Variants in TRIM2 observed in about 807,000 individuals in gnomAD.
TRIM2 encodes the protein tripartite motif containing 2.
TRIM2 carries 20 observed loss-of-function variants against 75.2 expected under a neutral mutation model. That is an observed-to-expected ratio of 0.27 (90% CI 0.19 to 0.39). The LOEUF (loss-of-function observed/expected upper bound fraction) is 0.39, where lower values mean the gene tolerates loss of function less well. Ranked by LOEUF, TRIM2 falls within the 10% of genes least tolerant of loss-of-function variation. The pLI, the probability that TRIM2 is intolerant of heterozygous loss-of-function variation, is 1.00. For synonymous variants in TRIM2, 373 were observed against 388.3 expected (o/e 0.96, Z 0.46); for missense variants, 660 against 990.8 (o/e 0.67, Z 4.48).
chr4:153,319,871 T>G (rs1579691525), intron 8 of TRIM2, among the ~76,000 whole-genome samples: 1 of 152,250 alleles, frequency 6.6e-6, no homozygotes, highest in Non-Finnish European at 1.5e-5. Context: ...TGAAGGGAAG[T>G]GTAAAGAAAT....
intron 2 of TRIM2, among the ~76,000 whole-genome samples, chr4:153,272,323 T>C (rs1197120623): frequency 6.6e-6 from 1 of 152,030 alleles, no homozygotes; most frequent in Non-Finnish European, 1.5e-5. Flanking sequence ...TAATTTTTTG[T>C]ATTTTTAGTA....
chr4:153,276,267 G>A (rs1224474363), intron 3 of TRIM2, 137 bp downstream of exon 3: 4 of 702,676 alleles, frequency 5.7e-6, no homozygotes, highest in Non-Finnish European at 9.7e-6. Context: ...ATTTTTACCA[G>A]CCCTCAGACT....
chr4:153,175,748 T>TG (rs1731369534), intron 1 of TRIM2, among the ~76,000 whole-genome samples: 1 of 152,174 alleles, frequency 6.6e-6, no homozygotes, highest in African/African-American at 2.4e-5. Flanking sequence ...GATCCTGGAC[T>TG]GGAAAGGACA....
intron 6 of TRIM2, among the ~76,000 whole-genome samples, chr4:153,301,398 T>A (rs1349186188): frequency 6.6e-6 from 1 of 152,204 alleles, no homozygotes. Context: ...CTTGTGTATT[T>A]TAGATATTAA....
In TRIM2 at chr4:153,244,121, A is replaced by ATCTTCTTCT. The variant is rs895189975; in HGVS notation, c.31-26200_31-26192dup. 1.7e-4 allele frequency among the ~76,000 whole-genome samples: 25 copies of ATCTTCTTCT among 145,828 alleles called. 2 individuals are homozygous for ATCTTCTTCT. Among genetic ancestry groups the ATCTTCTTCT allele is most frequent in the African/African-American group, 5.5e-4 (21 of 38,228 alleles). ...ACACATGAGCTACTGTGCCACTGCC[A>ATCTTCTTCT]TCTTCTTCTTCTTCTTCTTCTTGTT... On this transcript the variant is annotated intron_variant, in intron 1 of 11. Coordinates refer to ENST00000338700, the MANE Select transcript of TRIM2 (RefSeq NM_015271.5).
At chr4:153,313,047 C>T (rs1030669804) in intron 6 of TRIM2, among the ~76,000 whole-genome samples, 1 of 152,120 alleles carries the variant, frequency 6.6e-6, no homozygotes, top group African/African-American at 2.4e-5. Context: ...GATGTTCCTC[C>T]AACCTTGTGA....
intron 1 of TRIM2, among the ~76,000 whole-genome samples, chr4:153,234,747 T>A (rs1397191727): frequency 6.6e-6 from 1 of 152,134 alleles, no homozygotes; most frequent in Non-Finnish European, 1.5e-5. Context: ...TGATGATGAT[T>A]TGTTTTCCTG....
At chr4:153,249,609 G>A (rs966428703) in intron 1 of TRIM2, among the ~76,000 whole-genome samples, 1 of 152,128 alleles carries the variant, frequency 6.6e-6, no homozygotes, top group Non-Finnish European at 1.5e-5. Flanking sequence ...CTCCCGCCTC[G>A]GCCACCTCCC....
At chr4:153,204,351 T>C, upstream of TRIM2, 4 of 645,760 alleles carry the variant, frequency 6.2e-6, no homozygotes, top group South Asian at 3.9e-5. Flanking sequence ...AGGCTGATCA[T>C]TGGCTCTCAT....
chr4:153,310,734 C>G (rs1009567867), intron 6 of TRIM2, among the ~76,000 whole-genome samples: 3 of 152,124 alleles, frequency 2.0e-5, no homozygotes, highest in South Asian at 2.1e-4. Context: ...CATTCAGAAA[C>G]CAAGCCATAG....
chr4:153,313,967 A>G (rs991709592), intron 6 of TRIM2, among the ~76,000 whole-genome samples: 1 of 152,206 alleles, frequency 6.6e-6, no homozygotes, highest in African/African-American at 2.4e-5. Flanking sequence ...AAATGAAATT[A>G]TAAACCTGAA....
intron 1 of TRIM2, among the ~76,000 whole-genome samples, chr4:153,269,686 A>G (rs1257119181): frequency 6.6e-6 from 1 of 152,226 alleles, no homozygotes; most frequent in Non-Finnish European, 1.5e-5. Context: ...ATAAGCAGAC[A>G]TAGCTATATA....
At chr4:153,187,716 G>T (rs1403663539) in intron 1 of TRIM2, among the ~76,000 whole-genome samples, 5 of 152,158 alleles carry the variant, frequency 3.3e-5, no homozygotes, top group African/African-American at 1.2e-4. Flanking sequence ...CCTGACAAAG[G>T]GGAAGTCTGT....
chr4:153,323,880 G>A (rs1167569031), intron 9 of TRIM2, among the ~76,000 whole-genome samples, 198 bp from the exon 10 acceptor site: 1 of 152,126 alleles, frequency 6.6e-6, no homozygotes, highest in Non-Finnish European at 1.5e-5. Context: ...ATAGACTGGC[G>A]CAAGTAGAGA....
At chr4:153,238,282 T>C (rs1484429715) in intron 1 of TRIM2, among the ~76,000 whole-genome samples, 2 of 152,234 alleles carry the variant, frequency 1.3e-5, no homozygotes, top group African/African-American at 2.4e-5. Flanking sequence ...CTCAGTTGTT[T>C]ACATGTTTCG....
intron 1 of TRIM2, among the ~76,000 whole-genome samples, chr4:153,210,143 C>G (rs951788113): frequency 1.4e-5 from 2 of 147,398 alleles, no homozygotes; most frequent in Non-Finnish European, 3.0e-5. Flanking sequence ...CGGCTCACTG[C>G]AACTTTCACC....
intron 1 of TRIM2, among the ~76,000 whole-genome samples, chr4:153,224,524 T>G (rs1166261329): frequency 2.0e-5 from 3 of 152,168 alleles, no homozygotes; most frequent in African/African-American, 7.2e-5. Flanking sequence ...TTCTGTATAA[T>G]CCCATTTAGC....
intron 1 of TRIM2, among the ~76,000 whole-genome samples, chr4:153,178,644 T>C (rs529540446): frequency 5.4e-4 from 83 of 152,298 alleles, no homozygotes; most frequent in Non-Finnish European, 1.0e-3. Context: ...GAATGACTCC[T>C]GGTCAAAAAA....
chr4:153,175,900 G>A (rs985215330), intron 1 of TRIM2, among the ~76,000 whole-genome samples: 3 of 152,018 alleles, frequency 2.0e-5, no homozygotes, highest in Non-Finnish European at 2.9e-5. Flanking sequence ...TAAAGGGGCC[G>A]CCGAGTGCTC....
Sources: allele counts gnomAD v4.1 joint callset (sites outside exome capture counted in the v4.1 genomes callset), GRCh38; gene constraint gnomAD v4.1.1; transcripts MANE v1.5; gene names NCBI Gene and HGNC (gene_info 2026-07-23, HGNC 2026-07-21).